The following NCOR2 variants were observed in gnomAD, a reference collection of about 807,000 sequenced individuals.
The protein encoded by NCOR2 is nuclear receptor corepressor 2, also known as CTG repeat protein 26.
Under a neutral mutation model 262.9 loss-of-function variants are expected in NCOR2, and 81 were observed. The observed-to-expected ratio is 0.31, with a 90% CI of 0.26 to 0.37. The LOEUF (loss-of-function observed/expected upper bound fraction) is 0.37, where lower values mean the gene tolerates loss of function less well. NCOR2 is among the 10% of genes least tolerant of loss of function. The probability of loss-of-function intolerance (pLI) is 1.00; values close to 1 mark genes in which losing one functional copy is unlikely to be tolerated. For missense variants in NCOR2, 3,385 were observed against 3,621.4 expected (o/e 0.93, Z 1.68); for synonymous variants, 1,659 against 1,559.3 (o/e 1.06, Z -1.51).
chr12:124,500,531 A>C (rs1293702063), intron 1 of NCOR2, among the ~76,000 whole-genome samples: 4 of 152,156 alleles, frequency 2.6e-5, no homozygotes, highest in African/African-American at 7.2e-5. Context: ...CTGGACCCAG[A>C]GCCCCTTCTG....
At chr12:124,545,148 C>A (rs1220550092) in intron 1 of NCOR2, among the ~76,000 whole-genome samples, 1 of 152,110 alleles carries the variant, frequency 6.6e-6, no homozygotes, top group Non-Finnish European at 1.5e-5. Context: ...GCCTGCAACC[C>A]TACTGAGACA....
chr12:124,437,998 T>C lies in NCOR2; in HGVS notation c.816-2A>G. 1 of 1,609,110 alleles carries C rather than the reference T, an allele frequency of 6.2e-7. No homozygotes were observed. On this transcript the variant is annotated splice_acceptor_variant, in intron 7 of 46. Coordinates refer to ENST00000405201, the Ensembl canonical transcript of NCOR2. LOFTEE classifies it high-confidence loss of function. ...AGCTTCTTCCGCATCGCCTGGTTTC[T>C]GTGCAGGAGGGAAGCGGCAGACAGG...
chr12:124,421,097 G>A (rs547625244), intron 12 of NCOR2, among the ~76,000 whole-genome samples: 1 of 152,254 alleles, frequency 6.6e-6, no homozygotes, highest in Non-Finnish European at 1.5e-5. Context: ...ATGGCAGCCC[G>A]GCTCCGGACA....
At chr12:124,370,361 C>T (rs1187892208) in intron 20 of NCOR2, among the ~76,000 whole-genome samples, 1 of 152,188 alleles carries the variant, frequency 6.6e-6, no homozygotes, top group African/African-American at 2.4e-5. Flanking sequence ...TATAGAGATC[C>T]GGGTGAACCT....
intron 18 of NCOR2, among the ~76,000 whole-genome samples, chr12:124,377,434 C>T (rs2040090607): frequency 6.6e-6 from 1 of 152,324 alleles, no homozygotes; most frequent in South Asian, 2.1e-4. Context: ...AATAGGGACA[C>T]TTGGGAATAA....
In NCOR2 at chr12:124,508,184, C is replaced by G. The variant is rs191490493; in HGVS notation, c.-117-12816G>C. Among the ~76,000 whole-genome samples, 1,072 of 152,366 alleles carry G rather than the reference C, an allele frequency of 7.0e-3. 10 individuals are homozygous for G. Among genetic ancestry groups the G allele is most frequent in the Non-Finnish European group, 0.01 (706 of 68,034 alleles). Reference sequence around the variant, plus strand: ...CACAAAGGGCCTGGATGGGAGGACCCCACTGCCGCCTGGGCTCCCAGGCTA... The same window carrying G: ...CACAAAGGGCCTGGATGGGAGGACCGCACTGCCGCCTGGGCTCCCAGGCTA... On this transcript the variant is annotated intron_variant, in intron 1 of 46. Transcript: ENST00000404621.
chr12:124,476,961 C>T (rs1270680740), intron 3 of NCOR2, among the ~76,000 whole-genome samples: 4 of 151,266 alleles, frequency 2.6e-5, no homozygotes, highest in Admixed American at 6.6e-5. Flanking sequence ...GGATGAACCC[C>T]GAGAATATGA....
exon 47 of NCOR2, chr12:124,324,486 C>T (rs1055878): frequency 0.02 from 3,009 of 152,340 alleles, 38 homozygotes; most frequent in Non-Finnish European, 0.032. Flanking sequence ...GCGCAGATGG[C>T]GGCCACAGAA....
chr12:124,438,639 G>A (rs950157594), intron 7 of NCOR2, among the ~76,000 whole-genome samples: 5 of 151,716 alleles, frequency 3.3e-5, no homozygotes, highest in African/African-American at 9.7e-5. Flanking sequence ...GGCTCCAAGA[G>A]AAGGAGGCAC....
chr12:124,386,571 G>A (rs1291781937), intron 16 of NCOR2, among the ~76,000 whole-genome samples: 1 of 152,140 alleles, frequency 6.6e-6, no homozygotes, highest in East Asian at 1.9e-4. Flanking sequence ...ACCCCAACCC[G>A]CACAACCAGG....
In NCOR2 at chr12:124,390,483, C is replaced by CCT. The variant is rs566703143; in HGVS notation, c.1877-4597_1877-4596insAG. Among the ~76,000 whole-genome samples the CCT allele has an allele frequency of 2.2e-4, 33 of 151,880 alleles. 1 individual carries two copies. In the East Asian group the frequency reaches 6.0e-3, roughly 28 times the overall value. On this transcript the variant is annotated intron_variant, in intron 16 of 46. Transcript: ENST00000405201. ...TTGCCCGCCCCTCCAAAGTGACCCC[C>CCT]CCCCGTCGCCCTGCCATCCCAGGGT...
intron 1 of NCOR2, among the ~76,000 whole-genome samples, chr12:124,507,075 G>C (rs2049087357): frequency 6.6e-6 from 1 of 152,218 alleles, no homozygotes; most frequent in African/African-American, 2.4e-5. Flanking sequence ...CTGACATTAT[G>C]CTGAGTGACA....
At position 124,457,541 on chromosome 12, in the gene NCOR2, G is replaced by C. The variant is rs2045945485; in HGVS notation, c.706-379C>G. The stretch of plus-strand genomic sequence containing the variant: ...GATGCCTTCCCTCACCCTGGAAGCT[G>C]GTTGGGTTGTCTACAATTACCTCAG... On this transcript the variant is annotated intron_variant, in intron 5 of 46. Coordinates refer to ENST00000405201, the Ensembl canonical transcript of NCOR2. The surrounding 1 kb of genome is among the most constrained non-coding windows in gnomAD (Gnocchi z 4.0). Among the ~76,000 whole-genome samples the C allele has an allele frequency of 6.6e-6, 1 of 152,220 alleles. No individual in the cohort carries two copies. The highest frequency in any genetic ancestry group is 1.5e-5 in the Non-Finnish European group (1 of 68,022).
exon 9 of NCOR2, chr12:124,430,709 G>A (rs1221147357): frequency 2.5e-6 from 4 of 1,614,086 alleles, no homozygotes; most frequent in South Asian, 1.1e-5. Flanking sequence ...GCCCGCCGCC[G>A]GGGGTTGTTC....
chr12:124,469,767 C>T (rs2046731140), intron 4 of NCOR2, among the ~76,000 whole-genome samples: 1 of 152,200 alleles, frequency 6.6e-6, no homozygotes, highest in African/African-American at 2.4e-5. Flanking sequence ...ACAGCAGTGA[C>T]ACGCTATAAA....
At chr12:124,419,813 C>A (rs570817176) in intron 13 of NCOR2, 144 bp downstream of exon 15, 11 of 734,636 alleles carry the variant, frequency 1.5e-5, no homozygotes, top group Non-Finnish European at 2.4e-5. Flanking sequence ...CGGAGGGGAG[C>A]CTGCACTCAC....
chr12:124,423,480 C>T (rs922648738), intron 11 of NCOR2, among the ~76,000 whole-genome samples: 131 of 152,314 alleles, frequency 8.6e-4, no homozygotes, highest in African/African-American at 3.0e-3. Flanking sequence ...GCCAGACATC[C>T]GAGGATCCTG....
chr12:124,492,161 A>G (rs1399051796), intron 1 of NCOR2, among the ~76,000 whole-genome samples: 1 of 152,204 alleles, frequency 6.6e-6, no homozygotes, highest in Non-Finnish European at 1.5e-5. Context: ...CTCGGCATCC[A>G]CGGTCCTGTG....
intron 5 of NCOR2, among the ~76,000 whole-genome samples, chr12:124,461,878 C>G (rs2046183049): frequency 6.6e-6 from 1 of 152,192 alleles, no homozygotes; most frequent in Admixed American, 6.5e-5. Context: ...CATACACGCA[C>G]CCACGTGTGT....
Sources: allele counts gnomAD v4.1 joint callset (sites outside exome capture counted in the v4.1 genomes callset), GRCh38; gene constraint gnomAD v4.1.1; non-coding constraint Gnocchi (gnomAD v3.1); transcripts MANE v1.5; gene names NCBI Gene and HGNC (gene_info 2026-07-23, HGNC 2026-07-21).